Variants in TTLL12 observed in about 807,000 individuals in gnomAD.
TTLL12 encodes the protein tubulin tyrosine ligase like 12.
TTLL12 carries 77 observed loss-of-function variants against 79.6 expected under a neutral mutation model. The ratio of observed to expected loss-of-function variants is 0.97; its 90% CI spans 0.81 to 1.17. The LOEUF is 1.17. Among genes scored for constraint, TTLL12 ranks in the 50% most tolerant of loss-of-function variants. The pLI is 0.00. For missense variants in TTLL12, 969 were observed against 895.9 expected (o/e 1.08, Z -1.04); for synonymous variants, 437 against 376.1 (o/e 1.16, Z -1.87).
At position 43,176,340 on chromosome 22, in the gene TTLL12, G is replaced by T. The variant is rs1004229121; in HGVS notation, c.897C>A (p.His299Gln). The T allele has an allele frequency of 1.4e-5, 22 of 1,602,130 alleles. No homozygotes were observed. Among genetic ancestry groups the T allele is most frequent in the Non-Finnish European group, 1.6e-5 (19 of 1,175,636 alleles). ...CGCACTTGAAGATGTGGCCGTGGGG[G>T]TGCACCACGGGGTTGATGTCAAGTG... ...KLPLDINPVV[H>Q]PHGHIFKVYT... The change falls in exon 6 of 14, where the codon CAC becomes CAA. Residue 299 changes from histidine (H) to glutamine (Q), a missense_variant. His to Gln is a conservative substitution (Grantham distance 24). Transcript: ENST00000216129.
Position 43,167,563 on chromosome 22 carries a change from C to T in TTLL12, c.*445G>A, listed in dbSNP as rs1931648696. 5.3e-6 allele frequency: 1 copy of T among 187,316 alleles called. No homozygotes were observed. Among genetic ancestry groups the T allele is most frequent in the Admixed American group, 5.8e-5 (1 of 17,226 alleles). The allele number at this position is 187,316 out of a possible 1,614,324, so 11.6% of individuals were successfully genotyped here. A position where few individuals can be genotyped will look rare whatever the true frequency, so the allele number is the denominator to read the frequency against. On this transcript the variant is annotated 3_prime_UTR_variant, in exon 14 of 14. Coordinates refer to ENST00000216129, the MANE Select transcript of TTLL12 (RefSeq NM_015140.4). Reference sequence around the variant, plus strand: ...GCAGAGACCCCGGAAGAGAAACCCGCCTGCCCCGTGTGATACAGGGCTCCC... The same window carrying T: ...GCAGAGACCCCGGAAGAGAAACCCGTCTGCCCCGTGTGATACAGGGCTCCC...
intron 1 of TTLL12, among the ~76,000 whole-genome samples, chr22:43,185,247 T>TTATATATA (rs3985927): frequency 1.1e-4 from 13 of 115,708 alleles, no homozygotes; most frequent in South Asian, 3.0e-4. Context: ...AAGAAAAAAA[T>TTATATATA]TATATATATA....
At position 43,187,073 on chromosome 22, in the gene TTLL12, GCCAGCACCC is replaced by G; in HGVS notation, c.-13_-5del. 8.7e-7 allele frequency: 1 copy of G among 1,154,752 alleles called. No homozygotes were observed. Among genetic ancestry groups the G allele is most frequent in the East Asian group, 4.7e-5 (1 of 21,296 alleles). The allele number at this position is 1,154,752 out of a possible 1,614,324, so 71.5% of individuals were successfully genotyped here. On this transcript the variant is annotated 5_prime_UTR_variant, in exon 1 of 14. Transcript: ENST00000216129. ...CGGGACCCCGCTCGGCCTCCATGGC[GCCAGCACCC>G]GCGCCGACTCCAGCGCCGCCACCGC... is the stretch of plus-strand genomic sequence containing the variant.
intron 8 of TTLL12, 104 bp from the exon 9 acceptor site, chr22:43,173,930 G>A (rs557690661): frequency 1.9e-4 from 205 of 1,095,276 alleles, no homozygotes; most frequent in Non-Finnish European, 2.6e-4. Context: ...TTCTCCTTGG[G>A]AGCTGAGGGG....
In TTLL12 at chr22:43,172,545, T is replaced by C. The variant is rs970940098; in HGVS notation, c.1351A>G (p.Lys451Glu). Residue 451 changes from lysine to glutamate, a missense_variant, in exon 10 of 14, where the codon AAG (lysine) becomes GAG (glutamate). Lys to Glu is a moderately conservative substitution (Grantham distance 56). Transcript: ENST00000216129. Reference sequence around the variant, plus strand: ...AACAACACGGGACTTTCGATGTACTTGGACACAACCTGGAGGACACAGGTG... The same window carrying C: ...AACAACACGGGACTTTCGATGTACTCGGACACAACCTGGAGGACACAGGTG... ...HRESTPKVVS[K>E]YIESPVLFLR... The C allele has an allele frequency of 3.8e-5, 62 of 1,613,906 alleles. No individual in the cohort carries two copies. Among genetic ancestry groups the C allele is most frequent in the Non-Finnish European group, 5.2e-5 (61 of 1,180,016 alleles).
In TTLL12 at chr22:43,176,311, G is replaced by T. The variant is rs1267904393; in HGVS notation, c.917+9C>A. 5.1e-6 allele frequency: 8 copies of T among 1,577,494 alleles called. No homozygotes were observed. Among genetic ancestry groups the T allele is most frequent in the Non-Finnish European group, 5.2e-6 (6 of 1,159,308 alleles). On this transcript the variant is annotated intron_variant, in intron 6 of 13. Transcript: ENST00000216129. ...GTCCCAGCCCAAGCAGTGGGGGGGG[G>T]CTACGCACTTGAAGATGTGGCCGTG...
intron 5 of TTLL12, 129 bp from the exon 6 acceptor site, chr22:43,176,525 C>G: frequency 1.3e-6 from 1 of 742,364 alleles, no homozygotes; most frequent in Non-Finnish European, 2.4e-6. Flanking sequence ...ATGTCAGGAG[C>G]TCGAGACCAG....
chr22:43,179,875 C>A lies in TTLL12; in HGVS notation c.672G>T (p.Thr224=), dbSNP rs529869163. 9.3e-6 allele frequency: 15 copies of A among 1,607,442 alleles called. No individual in the cohort carries two copies. In the East Asian group the frequency reaches 3.3e-4, roughly 36 times the overall value. The change falls in exon 4 of 14, where the codon ACG becomes ACT. Residue 224 remains threonine (T), a synonymous_variant. Coordinates refer to ENST00000216129, the MANE Select transcript of TTLL12 (RefSeq NM_015140.4). ...CCAGGTCCCTCAGGGGCCACAGCAGCGTGTAGGCCACCTGCTGCGGCATGT... is the reference window on the plus strand; with the variant it reads ...CCAGGTCCCTCAGGGGCCACAGCAGAGTGTAGGCCACCTGCTGCGGCATGT... ...FFYMPQQVAY[T]LLWPLRDLDT...
chr22:43,169,800 C>T lies in TTLL12; in HGVS notation c.1576-232G>A, dbSNP rs997198197. ...ATTAACTTCTCTGAGCCTGTTTCCT[C>T]CTCTGTGAAATGGGAAAATGTGCTC... On this transcript the variant is annotated intron_variant, in intron 11 of 13. Transcript: ENST00000216129. 6 of 618,278 alleles carry T rather than the reference C, an allele frequency of 9.7e-6. No homozygotes were observed. In the African/African-American group the frequency reaches 1.1e-4, roughly 11 times the overall value. The allele number at this position is 618,278 out of a possible 1,614,324, so 38.3% of individuals were successfully genotyped here.
chr22:43,175,916 G>C (rs573483772), intron 6 of TTLL12, among the ~76,000 whole-genome samples: 1 of 145,072 alleles, frequency 6.9e-6, no homozygotes, highest in East Asian at 2.1e-4. Context: ...TTGAACTCCC[G>C]ATCTCAGGCG....
intron 2 of TTLL12, 74 bp from the exon 3 acceptor site, chr22:43,181,014 C>T: frequency 2.0e-6 from 3 of 1,506,254 alleles, no homozygotes; most frequent in Non-Finnish European, 2.7e-6. Context: ...GCAAGAGGCC[C>T]AGGGCTGTGT....
chr22:43,169,645 G>T, intron 11 of TTLL12, 77 bp from the exon 12 acceptor site: 1 of 1,485,678 alleles, frequency 6.7e-7, no homozygotes, highest in Non-Finnish European at 9.3e-7. Flanking sequence ...CTACTGCCTG[G>T]ACCAGGAGCT....
chr22:43,174,572 G>C lies in TTLL12; in HGVS notation c.961C>G (p.Pro321Ala). The C allele has an allele frequency of 6.2e-7, 1 of 1,613,340 alleles. No individual in the cohort carries two copies. Among genetic ancestry groups the C allele is most frequent in the Non-Finnish European group, 8.5e-7 (1 of 1,179,788 alleles). The change falls in exon 7 of 14, where the codon CCG (proline) becomes GCG (alanine). Residue 321 changes from proline to alanine, a missense_variant. Transcript: ENST00000216129. Reference sequence around the variant, plus strand: ...TCACTCTGGGTGAGGGTGAAGCGCGGGTGGGTGAGGCTGCTGGCCACCTGC... The same window carrying C: ...TCACTCTGGGTGAGGGTGAAGCGCGCGTGGGTGAGGCTGCTGGCCACCTGC... ...VQQVASSLTH[P>A]RFTLTQSEAD... is the part of the protein sequence containing the mutation.
chr22:43,180,292 T>G (rs1932022331), intron 3 of TTLL12, among the ~76,000 whole-genome samples: 1 of 151,728 alleles, frequency 6.6e-6, no homozygotes, highest in Non-Finnish European at 1.5e-5. Flanking sequence ...TTGAGGGTAA[T>G]GGGGGGGTCG....
At chr22:43,172,992 C>T (rs1033753818) in intron 9 of TTLL12, among the ~76,000 whole-genome samples, 3 of 152,144 alleles carry the variant, frequency 2.0e-5, no homozygotes, top group Admixed American at 6.5e-5. Context: ...GCCACCGCAC[C>T]CTGAAGCAAA....
intron 2 of TTLL12, 38 bp downstream of exon 2, chr22:43,182,942 A>G (rs995056577): frequency 6.3e-7 from 1 of 1,599,702 alleles, no homozygotes; most frequent in African/African-American, 1.3e-5. Context: ...CCTTTCACCA[A>G]GTGAAGGTTG....
At chr22:43,173,656 C>T in intron 9 of TTLL12, 59 bp downstream of exon 9, 1 of 1,528,378 alleles carries the variant, frequency 6.5e-7, no homozygotes, top group Non-Finnish European at 8.9e-7. Context: ...CCCTTAGCCC[C>T]ACCTCTCACT....
At chr22:43,168,622 G>A in intron 13 of TTLL12, 152 bp downstream of exon 13, 1 of 1,141,272 alleles carries the variant, frequency 8.8e-7, no homozygotes, top group Admixed American at 2.3e-5. Flanking sequence ...GGCACTTCCT[G>A]TGGGCCAAGC....
At chr22:43,177,139 T>A (rs1931936092) in intron 5 of TTLL12, among the ~76,000 whole-genome samples, 2 of 151,992 alleles carry the variant, frequency 1.3e-5, no homozygotes, top group South Asian at 4.1e-4. Context: ...GAAGCTGAGG[T>A]GGAGGAGTAC....
Sources: allele counts gnomAD v4.1 joint callset (sites outside exome capture counted in the v4.1 genomes callset), GRCh38; gene constraint gnomAD v4.1.1; transcripts MANE v1.5; gene names NCBI Gene and HGNC (gene_info 2026-07-23, HGNC 2026-07-21).